SH3PXD2A: variants seen among roughly 807,000 people sequenced by gnomAD.
SH3PXD2A encodes the protein SH3 and PX domain-containing protein 2A.
SH3PXD2A carries 32 observed loss-of-function variants against 115.2 expected under a neutral mutation model. The observed-to-expected ratio is 0.28, with a 90% CI of 0.21 to 0.37. SH3PXD2A has a LOEUF of 0.37. SH3PXD2A is among the 10% of genes least tolerant of loss of function. The pLI is 1.00. For synonymous variants in SH3PXD2A, 610 were observed against 629.1 expected (o/e 0.97, Z 0.45); for missense variants, 1,328 against 1,498.7 (o/e 0.89, Z 1.88).
intron 2 of SH3PXD2A, among the ~76,000 whole-genome samples, chr10:103,780,240 GAAGCCAAGCGGAAC>G (rs1351711116): frequency 6.6e-6 from 1 of 152,212 alleles, no homozygotes; most frequent in Non-Finnish European, 1.5e-5. Flanking sequence ...CCTGGAAAGG[GAAGCCAAGCGGAAC>G]ACTTCTAAAT....
At chr10:103,668,678 C>G in intron 6 of SH3PXD2A, 26 bp from the exon 7 acceptor site, 2 of 1,524,122 alleles carry the variant, frequency 1.3e-6, no homozygotes, top group Non-Finnish European at 1.8e-6. Context: ...GAGCAAGCGG[C>G]AGCAGGAGAG....
intron 3 of SH3PXD2A, among the ~76,000 whole-genome samples, chr10:103,745,294 T>C (rs569192884): frequency 6.6e-6 from 1 of 152,338 alleles, no homozygotes; most frequent in African/African-American, 2.4e-5. Context: ...TTACTCTTGG[T>C]TTTCAGTTAT....
intron 3 of SH3PXD2A, 115 bp from the exon 4 acceptor site, chr10:103,735,923 C>T: frequency 2.4e-6 from 2 of 824,880 alleles, no homozygotes; most frequent in Non-Finnish European, 4.2e-6. Context: ...CTGCCACCAC[C>T]CCGTCCACGG....
Position 103,605,890 on chromosome 10 carries a change from G to A in SH3PXD2A, c.1336C>T (p.Pro446Ser). Residue 446 changes from proline (P) to serine (S), a missense_variant, in exon 14 of 15, where the codon CCC becomes TCC. By Grantham distance (74) the Pro-to-Ser change is moderately conservative (BLOSUM62 -1). Around this residue, in one of 5 missense-constraint regions of SH3PXD2A, gnomAD observed 509 missense variants for 628.3 expected, o/e 0.81. Transcript: ENST00000369774. ...LGFQLPKPPE[P>S]PSVEVEYYTI... ...TAGTACTCCACCTCAACAGAAGGGGGCTCTGGTGGCTTTGGCAGTTGGAAC... is the reference window on the plus strand; with the variant it reads ...TAGTACTCCACCTCAACAGAAGGGGACTCTGGTGGCTTTGGCAGTTGGAAC... 1 of 1,613,920 alleles carries A rather than the reference G, an allele frequency of 6.2e-7. No homozygotes were observed. The highest frequency in any genetic ancestry group is 1.1e-5 in the South Asian group (1 of 91,060).
chr10:103,822,548 G>GGC (rs978864434), intron 1 of SH3PXD2A, among the ~76,000 whole-genome samples: 50 of 145,784 alleles, frequency 3.4e-4, no homozygotes, highest in South Asian at 2.7e-3. Flanking sequence ...AGGGCATGGT[G>GGC]GGGGGGGAGC....
chr10:103,773,630 G>A (rs962881233), intron 2 of SH3PXD2A, among the ~76,000 whole-genome samples: 1 of 151,810 alleles, frequency 6.6e-6, no homozygotes, highest in African/African-American at 2.4e-5. Flanking sequence ...TAGTAGAGAC[G>A]GGGTTTCACC....
intron 2 of SH3PXD2A, among the ~76,000 whole-genome samples, chr10:103,782,915 T>G (rs1186873013): frequency 7.0e-6 from 1 of 143,652 alleles, no homozygotes; most frequent in African/African-American, 2.8e-5. Flanking sequence ...CAAGAGTACA[T>G]GAAATGAATG....
intron 1 of SH3PXD2A, among the ~76,000 whole-genome samples, chr10:103,850,528 C>G (rs2134330326): frequency 1.3e-5 from 2 of 152,274 alleles, no homozygotes; most frequent in South Asian, 4.1e-4. Context: ...TGGTGCTGAC[C>G]TTGGGGCTAG....
chr10:103,679,387 C>G (rs1192153128), intron 6 of SH3PXD2A, among the ~76,000 whole-genome samples: 1 of 152,242 alleles, frequency 6.6e-6, no homozygotes, highest in Non-Finnish European at 1.5e-5. Flanking sequence ...GCCACCTCAT[C>G]CCAGAAGGAA....
At chr10:103,833,916 A>G (rs1196708506) in intron 1 of SH3PXD2A, among the ~76,000 whole-genome samples, 2 of 152,216 alleles carry the variant, frequency 1.3e-5, no homozygotes, top group Non-Finnish European at 2.9e-5. Flanking sequence ...CATTAAAAAC[A>G]AATAAAGATG....
At position 103,605,054 on chromosome 10, in the gene SH3PXD2A, G is replaced by A. The variant is rs571373792; in HGVS notation, c.1428+744C>T. ...TAAGTTACAGCTCTTCTCTGCTGCC[G>A]GGAATACCATGCTCAGCCCCAGCCA... On this transcript the variant is annotated intron_variant, in intron 14 of 14. Coordinates refer to ENST00000369774, the MANE Select transcript of SH3PXD2A (RefSeq NM_001394015.1). Among the ~76,000 whole-genome samples the A allele has an allele frequency of 3.9e-5, 6 of 152,332 alleles. No individual in the cohort carries two copies. The South Asian group carries it at 8.3e-4, about 21-fold the overall frequency.
intron 2 of SH3PXD2A, among the ~76,000 whole-genome samples, chr10:103,782,579 T>C (rs906301573): frequency 2.6e-5 from 4 of 152,092 alleles, no homozygotes; most frequent in African/African-American, 9.7e-5. Flanking sequence ...ACACACTATA[T>C]GGCAGGTACT....
intron 3 of SH3PXD2A, among the ~76,000 whole-genome samples, chr10:103,760,145 C>T (rs1010528449): frequency 6.6e-6 from 1 of 152,166 alleles, no homozygotes; most frequent in African/African-American, 2.4e-5. Flanking sequence ...GTTTGCTTAC[C>T]ATCCATTATA....
intron 2 of SH3PXD2A, among the ~76,000 whole-genome samples, chr10:103,785,734 C>T (rs2038974398): frequency 1.3e-5 from 2 of 152,032 alleles, no homozygotes; most frequent in South Asian, 4.2e-4. Flanking sequence ...TCCTCCCCTG[C>T]AAGGGCTTCT....
chr10:103,757,882 G>A (rs768257595), intron 3 of SH3PXD2A, among the ~76,000 whole-genome samples: 2 of 152,144 alleles, frequency 1.3e-5, no homozygotes, highest in African/African-American at 4.8e-5. Context: ...CCTGGGCTGC[G>A]GCCTGGGCTG....
intron 3 of SH3PXD2A, among the ~76,000 whole-genome samples, chr10:103,764,517 A>G (rs1341974299): frequency 6.6e-6 from 1 of 152,140 alleles, no homozygotes; most frequent in South Asian, 2.1e-4. Flanking sequence ...CACAGGTCAC[A>G]TTTGCATGGG....
chr10:103,712,376 T>G (rs532990309), intron 5 of SH3PXD2A, among the ~76,000 whole-genome samples: 20 of 152,256 alleles, frequency 1.3e-4, no homozygotes, highest in African/African-American at 4.6e-4. Flanking sequence ...AGAGAGGGTG[T>G]GGGAAGCCAA....
intron 3 of SH3PXD2A, among the ~76,000 whole-genome samples, chr10:103,748,744 C>T (rs71476605): frequency 0.11 from 16,046 of 152,026 alleles, 974 homozygotes; most frequent in Non-Finnish European, 0.12. Context: ...CCAGTGGGTA[C>T]GTGCATCAGG....
At chr10:103,632,935 C>T (rs2036803245) in intron 8 of SH3PXD2A, among the ~76,000 whole-genome samples, 1 of 152,030 alleles carries the variant, frequency 6.6e-6, no homozygotes, top group South Asian at 2.1e-4. Flanking sequence ...GATCATGCCA[C>T]TGCACTCCAG....
Sources: gnomAD v4.1 joint callset for allele counts (sites outside exome capture counted in the v4.1 genomes callset) on GRCh38, gnomAD v4.1.1 for gene constraint, gnomAD v4.1.1 regional missense constraint, MANE v1.5 for transcripts, NCBI Gene and HGNC (gene_info 2026-07-23, HGNC 2026-07-21) for gene names.